Variants in DNAJC11 observed in about 807,000 individuals in gnomAD.
DNAJC11 encodes the protein dnaJ homolog subfamily C member 11.
In DNAJC11, 15 loss-of-function variants were observed where a neutral mutation model predicts 78.6. That is an observed-to-expected ratio of 0.19 (90% CI 0.13 to 0.29). The LOEUF (loss-of-function observed/expected upper bound fraction) is 0.29. Among genes scored for constraint, DNAJC11 ranks in the 10% least tolerant of loss-of-function variants. The pLI, the probability that DNAJC11 is intolerant of heterozygous loss-of-function variation, is 1.00. For missense variants in DNAJC11, 547 were observed against 709.6 expected (o/e 0.77, Z 2.60); for synonymous variants, 292 against 272.1 (o/e 1.07, Z -0.72).
chr1:6,641,406 TACAC>T (rs70981395), intron 10 of DNAJC11, among the ~76,000 whole-genome samples: 286 of 140,092 alleles, frequency 2.0e-3, no homozygotes, highest in Non-Finnish European at 3.0e-3. Flanking sequence ...TATATATATA[TACAC>T]ACACACACAC....
intron 1 of DNAJC11, among the ~76,000 whole-genome samples, chr1:6,695,874 G>C (rs72636164): frequency 0.012 from 1,756 of 152,098 alleles, 13 homozygotes; most frequent in Non-Finnish European, 0.019. Flanking sequence ...AGAACTTCCA[G>C]AAGAGTAAAA....
At chr1:6,670,426 A>T (rs1642362193) in intron 3 of DNAJC11, 1 of 152,122 alleles carries the variant, frequency 6.6e-6, no homozygotes, top group Admixed American at 6.6e-5. Context: ...GCACACACAC[A>T]TACACACATT....
At chr1:6,699,876 A>T (rs959032024) in intron 1 of DNAJC11, among the ~76,000 whole-genome samples, 1 of 152,218 alleles carries the variant, frequency 6.6e-6, no homozygotes, top group Admixed American at 6.5e-5. Context: ...TTCACTGGAC[A>T]TTCTCATAGT....
chr1:6,668,453 A>G (rs1183735808), intron 3 of DNAJC11, among the ~76,000 whole-genome samples: 2 of 152,014 alleles, frequency 1.3e-5, no homozygotes, highest in Non-Finnish European at 2.9e-5. Flanking sequence ...TAAATTTCAT[A>G]GTGTAAATTT....
chr1:6,692,835 T>G (rs1003170721), intron 1 of DNAJC11, among the ~76,000 whole-genome samples: 2 of 152,118 alleles, frequency 1.3e-5, no homozygotes, highest in African/African-American at 4.8e-5. Flanking sequence ...GGTCTCAAAC[T>G]CCCGACTTCA....
chr1:6,634,173 T>C lies in DNAJC11; in HGVS notation c.*1502A>G. On this transcript the variant is annotated 3_prime_UTR_variant, in exon 16 of 16. Transcript: ENST00000377577. ...TACACGGAAGAGCGCCAGCCTCTGC[T>C]TTCAGGAAAGGTTTATTGTGGTGAG... 3 of 1,312,774 alleles carry C rather than the reference T, an allele frequency of 2.3e-6. No individual in the cohort carries two copies. Among genetic ancestry groups the C allele is most frequent in the Non-Finnish European group, 2.2e-6 (2 of 924,266 alleles). 81.3% of individuals were successfully genotyped at this position (1,312,774 alleles called of 1,614,324 possible). A position where few individuals can be genotyped will look rare whatever the true frequency, so the allele number is the denominator to read the frequency against.
In DNAJC11 at chr1:6,645,846, G is replaced by A; in HGVS notation, c.837C>T (p.Ala279=). 6.2e-7 allele frequency: 1 copy of A among 1,614,184 alleles called. No individual in the cohort carries two copies. The highest frequency in any genetic ancestry group is 8.5e-7 in the Non-Finnish European group (1 of 1,180,030). The change falls in exon 8 of 16, where the codon GCC becomes GCT. Residue 279 remains alanine (A), a synonymous_variant. Coordinates refer to ENST00000377577, the MANE Select transcript of DNAJC11 (RefSeq NM_018198.4). The surrounding 1 kb of genome is among the most constrained non-coding windows in gnomAD (Gnocchi z 4.1). ...YLQWRWGIQS[A]MNTSIVRDTK... Reference sequence around the variant, plus strand: ...TGTCTCGGACGATGCTAGTGTTCATGGCTGACTGGATACCCCATCGCCACT... The same window carrying A: ...TGTCTCGGACGATGCTAGTGTTCATAGCTGACTGGATACCCCATCGCCACT...
At position 6,637,301 on chromosome 1, in the gene DNAJC11, T is replaced by C. The variant is rs1553126526; in HGVS notation, c.1421A>G (p.Asn474Ser). ...IVNAWYGKFV[N>S]DKSRKSEKVK... Reference sequence around the variant, plus strand: ...CTTCTCGCTCTTCCTGCTCTTGTCATTGACAAACTTCCCGTACCAGGCATT... The same window carrying C: ...CTTCTCGCTCTTCCTGCTCTTGTCACTGACAAACTTCCCGTACCAGGCATT... Residue 474 changes from asparagine to serine, a missense_variant, in exon 14 of 16, where the codon AAT (asparagine) becomes AGT (serine). Transcript: ENST00000377577. The C allele has an allele frequency of 1.2e-6, 2 of 1,614,160 alleles. No homozygotes were observed. The highest frequency in any genetic ancestry group is 1.7e-6 in the Non-Finnish European group (2 of 1,180,036).
intron 4 of DNAJC11, among the ~76,000 whole-genome samples, chr1:6,662,718 T>C (rs1642236258): frequency 6.6e-6 from 1 of 152,078 alleles, no homozygotes; most frequent in South Asian, 2.1e-4. Context: ...AGCTAGAGTA[T>C]TGTAAGTGCA....
chr1:6,688,018 T>G (rs1642684915), intron 1 of DNAJC11, among the ~76,000 whole-genome samples: 1 of 152,200 alleles, frequency 6.6e-6, no homozygotes, highest in African/African-American at 2.4e-5. Context: ...ATCTGATCCA[T>G]CTGAAACTTG....
At chr1:6,654,243 CA>C (rs1244334105) in intron 4 of DNAJC11, 1 of 483,108 alleles carries the variant, frequency 2.1e-6, no homozygotes, top group African/African-American at 2.0e-5. Context: ...CACAGACGTC[CA>C]GAGCTAGAAA....
At chr1:6,641,501 T>C (rs1041555245) in intron 10 of DNAJC11, among the ~76,000 whole-genome samples, 1 of 150,866 alleles carries the variant, frequency 6.6e-6, no homozygotes, top group East Asian at 1.9e-4. Context: ...CTAAAAAAGC[T>C]ATATAGTAAC....
rs1642577288 is a variant in DNAJC11, at chr1:6,682,923, C to T, written c.73-1886G>A. 2.0e-5 allele frequency among the ~76,000 whole-genome samples: 3 copies of T among 152,118 alleles called. No individual in the cohort carries two copies. The South Asian group carries it at 6.2e-4, about 31-fold the overall frequency. On this transcript the variant is annotated intron_variant, in intron 1 of 15. Coordinates refer to ENST00000377577, the MANE Select transcript of DNAJC11 (RefSeq NM_018198.4). ...CTGGGTGACAGAGGGGGAAAAAAAACTAGCTAGACCCAAGCCATTCAGCTT... is the reference window on the plus strand; with the variant it reads ...CTGGGTGACAGAGGGGGAAAAAAAATTAGCTAGACCCAAGCCATTCAGCTT...
chr1:6,661,182 A>G lies in DNAJC11; in HGVS notation c.378+6527T>C, dbSNP rs539520487. ...TTATATTTATCTGGCCATGAGGGTA[A>G]CATAAGAAATTTCTGTCAACTGCAA... On this transcript the variant is annotated intron_variant, in intron 4 of 15. Transcript: ENST00000377577. Among the ~76,000 whole-genome samples the G allele has an allele frequency of 4.6e-5, 7 of 152,328 alleles. No homozygotes were observed. In the East Asian group the frequency reaches 1.3e-3, roughly 29 times the overall value.
In DNAJC11 at chr1:6,665,597, T is replaced by A. The variant is rs925979980; in HGVS notation, c.378+2112A>T. On this transcript the variant is annotated intron_variant, in intron 4 of 15. Coordinates refer to ENST00000377577, the MANE Select transcript of DNAJC11 (RefSeq NM_018198.4). The stretch of plus-strand genomic sequence containing the variant: ...GGAAGTAGCAAAGTATAGGACATTT[T>A]AAAAATCACTTGCATGCCTGTGTGA... 3.9e-5 allele frequency among the ~76,000 whole-genome samples: 6 copies of A among 152,318 alleles called. No homozygotes were observed. The East Asian group carries it at 5.8e-4, about 15-fold the overall frequency.
chr1:6,689,874 C>T (rs1281210856), intron 1 of DNAJC11, among the ~76,000 whole-genome samples: 6 of 151,994 alleles, frequency 3.9e-5, no homozygotes, highest in African/African-American at 9.7e-5. Context: ...AAGGAAGGAC[C>T]GAGACGCATC....
chr1:6,688,320 C>T (rs984513696), intron 1 of DNAJC11, among the ~76,000 whole-genome samples: 3 of 152,162 alleles, frequency 2.0e-5, no homozygotes, highest in African/African-American at 4.8e-5. Context: ...CAAATAAATT[C>T]CTTCCAATAA....
At chr1:6,656,681 C>T (rs1486496463) in intron 4 of DNAJC11, among the ~76,000 whole-genome samples, 1 of 150,686 alleles carries the variant, frequency 6.6e-6, no homozygotes, top group Non-Finnish European at 1.5e-5. Context: ...GAGTTCGAGA[C>T]CAGCCTAGGC....
intron 6 of DNAJC11, 65 bp downstream of exon 6, chr1:6,652,764 G>C: frequency 2.5e-6 from 4 of 1,603,118 alleles, no homozygotes; most frequent in South Asian, 1.1e-5. Context: ...TGAGCTTTGA[G>C]AGTGTAAATG....
Sources: allele counts gnomAD v4.1 joint callset (sites outside exome capture counted in the v4.1 genomes callset), GRCh38; gene constraint gnomAD v4.1.1; non-coding constraint Gnocchi (gnomAD v3.1); transcripts MANE v1.5; gene names NCBI Gene and HGNC (gene_info 2026-07-23, HGNC 2026-07-21).